Variants in AKAP6 observed in about 807,000 individuals in gnomAD.
AKAP6 encodes the protein A-kinase anchoring protein 6.
Under a neutral mutation model 188.5 loss-of-function variants are expected in AKAP6, and 58 were observed. That is an observed-to-expected ratio of 0.31 (90% CI 0.25 to 0.38). AKAP6 has a LOEUF of 0.38. AKAP6 is among the 10% of genes least tolerant of loss of function. AKAP6 has a pLI of 1.00. For missense variants in AKAP6, 2,710 were observed against 2,740.0 expected (o/e 0.99, Z 0.24); for synonymous variants, 989 against 998.6 (o/e 0.99, Z 0.18).
In AKAP6 at chr14:32,625,151, A is replaced by G. The variant is rs75034074; in HGVS notation, c.2730+24359A>G. The stretch of plus-strand genomic sequence containing the variant: ...ATGTGTATAAGTAAACTTCCTTCCC[A>G]CTGTGAAAAGGTTTCATTTATTGCT... On this transcript the variant is annotated intron_variant, in intron 7 of 13. Transcript: ENST00000280979. 3.3e-3 allele frequency among the ~76,000 whole-genome samples: 499 copies of G among 152,164 alleles called. 2 individuals carry two copies. Among genetic ancestry groups the G allele is most frequent in the African/African-American group, 0.011 (452 of 41,532 alleles).
At chr14:32,505,638 A>C (rs8010040) in intron 2 of AKAP6, among the ~76,000 whole-genome samples, 101,348 of 151,728 alleles carry the variant, frequency 0.67, 34,127 homozygotes, top group African/African-American at 0.69. Context: ...AAAAAGTATC[A>C]CTTGAGTGTT....
intron 8 of AKAP6, among the ~76,000 whole-genome samples, chr14:32,692,624 C>T (rs1281566297): frequency 6.6e-6 from 1 of 152,174 alleles, no homozygotes; most frequent in African/African-American, 2.4e-5. Flanking sequence ...TGTCTGCTGA[C>T]ACATGCTGCT....
chr14:32,702,971 A>G (rs1890676283), intron 9 of AKAP6, among the ~76,000 whole-genome samples: 1 of 152,202 alleles, frequency 6.6e-6, no homozygotes, highest in Non-Finnish European at 1.5e-5. Flanking sequence ...TAAATGGGGT[A>G]CAGGAGTCAG....
At chr14:32,521,768 T>G (rs924700524) in intron 2 of AKAP6, among the ~76,000 whole-genome samples, 8 of 152,180 alleles carry the variant, frequency 5.3e-5, no homozygotes, top group Admixed American at 1.3e-4. Context: ...CTGCCCAAGG[T>G]AATTTATAGA....
At chr14:32,595,083 T>C (rs76781014) in intron 5 of AKAP6, among the ~76,000 whole-genome samples, 2 of 152,124 alleles carry the variant, frequency 1.3e-5, no homozygotes, top group African/African-American at 2.4e-5. Context: ...TTAAAAAAAA[T>C]ATGAGCACGC....
intron 7 of AKAP6, among the ~76,000 whole-genome samples, chr14:32,676,869 T>C (rs1296563215): frequency 2.0e-5 from 3 of 152,208 alleles, no homozygotes; most frequent in African/African-American, 7.2e-5. Context: ...CGTCTCACTT[T>C]GTTGCCCAGG....
chr14:32,685,521 G>T (rs1329026292), intron 8 of AKAP6, among the ~76,000 whole-genome samples: 1 of 151,898 alleles, frequency 6.6e-6, no homozygotes, highest in African/African-American at 2.4e-5. Flanking sequence ...TCAGGAGATC[G>T]AGACCATCCT....
At position 32,823,549 on chromosome 14, in the gene AKAP6, G is replaced by T; in HGVS notation, c.5736G>T (p.Val1912=). ...IPERQKGKPN[V]TSKVSENLGS... ...AAAGGCAAAAGGGAAAACCGAATGT[G>T]ACTTCAAAGGTATCAGAAAATCTTG... Residue 1912 remains valine, a synonymous_variant, in exon 13 of 14, where the codon GTG becomes GTT. Coordinates refer to ENST00000280979, the MANE Select transcript of AKAP6 (RefSeq NM_004274.5). The T allele has an allele frequency of 1.2e-6, 2 of 1,613,890 alleles. No homozygotes were observed. The highest frequency in any genetic ancestry group is 2.2e-5 in the South Asian group (2 of 91,054).
chr14:32,535,313 G>C (rs1293995760), intron 2 of AKAP6, among the ~76,000 whole-genome samples: 2 of 152,146 alleles, frequency 1.3e-5, no homozygotes, highest in Non-Finnish European at 2.9e-5. Flanking sequence ...GGCATCTGAT[G>C]GAATAGTAGG....
intron 8 of AKAP6, among the ~76,000 whole-genome samples, chr14:32,687,400 ATCTC>A (rs71115092): frequency 0.087 from 11,196 of 128,804 alleles, 358 homozygotes; most frequent in Middle Eastern, 0.11. Flanking sequence ...CATACTAACT[ATCTC>A]TCTCTCTCTC....
At chr14:32,557,317 C>T (rs146587924) in intron 4 of AKAP6, among the ~76,000 whole-genome samples, 18 of 152,272 alleles carry the variant, frequency 1.2e-4, no homozygotes, top group African/African-American at 2.6e-4. Context: ...AGGCTGGTGT[C>T]GAACTCCTTG....
chr14:32,477,281 A>G (rs539484072), intron 2 of AKAP6, among the ~76,000 whole-genome samples: 15 of 152,324 alleles, frequency 9.8e-5, no homozygotes. Context: ...GTTTTAAGCT[A>G]CTGCTACCTT....
intron 1 of AKAP6, among the ~76,000 whole-genome samples, chr14:32,424,971 T>C (rs530526077): frequency 3.3e-4 from 51 of 152,294 alleles, no homozygotes; most frequent in African/African-American, 1.2e-3. Context: ...CATATGCATG[T>C]ATGTGTCTTT....
intron 2 of AKAP6, among the ~76,000 whole-genome samples, chr14:32,469,836 T>C (rs928182212): frequency 1.3e-5 from 2 of 152,162 alleles, no homozygotes; most frequent in African/African-American, 4.8e-5. Flanking sequence ...GATTATGCCT[T>C]CAGTTACCTA....
intron 11 of AKAP6, among the ~76,000 whole-genome samples, chr14:32,750,663 CA>C (rs934812610): frequency 6.6e-6 from 1 of 150,924 alleles, no homozygotes; most frequent in Non-Finnish European, 1.5e-5. Context: ...CCCAGGGGTT[CA>C]AGGGTACAGT....
Position 32,545,245 on chromosome 14 carries a change from C to CT in AKAP6, c.593dup (p.Thr199AsnfsTer5). ...TCTGTTTCAGGGCCGGCTTGATTCT[C>CT]TAACAGAAGTGGATGACTCAGGACA... On this transcript the variant is annotated frameshift_variant, in exon 4 of 14. Transcript: ENST00000280979. LOFTEE classifies it high-confidence loss of function. The CT allele has an allele frequency of 6.2e-7, 1 of 1,612,734 alleles. No homozygotes were observed. Among genetic ancestry groups the CT allele is most frequent in the Non-Finnish European group, 8.5e-7 (1 of 1,178,890 alleles).
intron 1 of AKAP6, among the ~76,000 whole-genome samples, chr14:32,398,358 A>T (rs1888947275): frequency 6.6e-6 from 1 of 152,196 alleles, no homozygotes; most frequent in Non-Finnish European, 1.5e-5. Flanking sequence ...ATTTACCTTG[A>T]GGCAGGGTCA....
In AKAP6 at chr14:32,601,640, T is replaced by C. The variant is rs116736467; in HGVS notation, c.2730+848T>C. 6.8e-3 allele frequency among the ~76,000 whole-genome samples: 1,032 copies of C among 152,320 alleles called. 20 individuals carry two copies. The highest frequency in any genetic ancestry group is 0.023 in the African/African-American group (966 of 41,568). Reference sequence around the variant, plus strand: ...CATAATAAATCCAGAATAAAACTTATTGTAACATGGGGGAAACATATTTAA... The same window carrying C: ...CATAATAAATCCAGAATAAAACTTACTGTAACATGGGGGAAACATATTTAA... On this transcript the variant is annotated intron_variant, in intron 7 of 13. Coordinates refer to ENST00000280979, the MANE Select transcript of AKAP6 (RefSeq NM_004274.5).
chr14:32,816,440 C>A (rs2034380219), intron 12 of AKAP6, among the ~76,000 whole-genome samples: 1 of 152,158 alleles, frequency 6.6e-6, no homozygotes, highest in Non-Finnish European at 1.5e-5. Context: ...AAGCGATCCT[C>A]CTGCCTCAGC....
Sources: gnomAD v4.1 joint callset for allele counts (sites outside exome capture counted in the v4.1 genomes callset) on GRCh38, gnomAD v4.1.1 for gene constraint, MANE v1.5 for transcripts, NCBI Gene and HGNC (gene_info 2026-07-23, HGNC 2026-07-21) for gene names.